The following KLHL13 variants were observed in gnomAD, a reference collection of about 807,000 sequenced individuals.
The protein encoded by KLHL13 is kelch-like protein 13.
In KLHL13, 10 loss-of-function variants were observed where a neutral mutation model predicts 37.1. That is an observed-to-expected ratio of 0.27 (90% CI 0.17 to 0.46). The LOEUF (loss-of-function observed/expected upper bound fraction) is 0.46, where lower values mean the gene tolerates loss of function less well. KLHL13 is among the 20% of genes least tolerant of loss of function. The probability of loss-of-function intolerance (pLI) is 1.00; values close to 1 mark genes in which losing one functional copy is unlikely to be tolerated. For synonymous variants in KLHL13, 163 were observed against 181.2 expected (o/e 0.90, Z 0.81); for missense variants, 360 against 509.3 (o/e 0.71, Z 2.82).
At chrX:118,011,255 G>T (rs2054064085) in intron 1 of KLHL13, among the ~76,000 whole-genome samples, 1 of 109,374 alleles carries the variant, frequency 9.1e-6, no homozygotes, top group Non-Finnish European at 1.9e-5. Context: ...GAGGGAACGG[G>T]TCATCTTCCA....
At chrX:117,960,677 C>A (rs2053281198) in intron 1 of KLHL13, among the ~76,000 whole-genome samples, 1 of 112,114 alleles carries the variant, frequency 8.9e-6, no homozygotes, top group Non-Finnish European at 1.9e-5. Flanking sequence ...CTATTATTTT[C>A]TGGTAGCCTT....
intron 1 of KLHL13, among the ~76,000 whole-genome samples, chrX:117,950,134 C>A (rs1487876685): frequency 5.3e-5 from 6 of 112,575 alleles, no homozygotes; most frequent in Non-Finnish European, 5.6e-5. Flanking sequence ...TTAAATCTAA[C>A]AATATATGCT....
At chrX:117,910,266 C>A (rs1200573519) in intron 4 of KLHL13, among the ~76,000 whole-genome samples, 170 bp from the exon 6 acceptor site, 1 of 111,722 alleles carries the variant, frequency 9.0e-6, no homozygotes, top group Non-Finnish European at 1.9e-5. Context: ...AGATAATTTG[C>A]AAACCACCTT....
chrX:117,978,037 A>G (rs758049063), upstream of KLHL13, among the ~76,000 whole-genome samples: 3 of 112,080 alleles, frequency 2.7e-5, no homozygotes, highest in Admixed American at 9.5e-5. Flanking sequence ...TCTTGCCACA[A>G]TAAAAAATGG....
At chrX:118,061,212 A>G (rs1242467110) in intron 1 of KLHL13, among the ~76,000 whole-genome samples, 1 of 112,039 alleles carries the variant, frequency 8.9e-6, no homozygotes, top group East Asian at 2.8e-4. Context: ...ATATACATTT[A>G]GCTAGGAATA....
chrX:118,115,309 C>G (rs763612528), intron 1 of KLHL13, among the ~76,000 whole-genome samples: 4 of 112,757 alleles, frequency 3.5e-5, no homozygotes, highest in Non-Finnish European at 7.5e-5. Flanking sequence ...TCTTCACACA[C>G]TAATTGCAGT....
At chrX:117,906,452 G>A (rs183452468) in intron 5 of KLHL13, among the ~76,000 whole-genome samples, 17 of 111,354 alleles carry the variant, frequency 1.5e-4, no homozygotes, top group Admixed American at 9.6e-5. Context: ...GGTTACCTCC[G>A]TAATACAGGA....
chrX:118,037,511 G>A (rs1259768822), intron 1 of KLHL13, among the ~76,000 whole-genome samples: 2 of 102,318 alleles, frequency 2.0e-5, no homozygotes, highest in African/African-American at 3.6e-5. Flanking sequence ...ACCAAACACC[G>A]CTTATTCTCA....
At chrX:117,936,112 T>C (rs749623372) in intron 2 of KLHL13, among the ~76,000 whole-genome samples, 15 of 111,497 alleles carry the variant, frequency 1.3e-4, no homozygotes, top group Non-Finnish European at 1.9e-5. Context: ...CCTGGAATAA[T>C]AGGGAGAAGT....
At chrX:118,017,805 T>C (rs2054144537) in intron 1 of KLHL13, among the ~76,000 whole-genome samples, 1 of 111,780 alleles carries the variant, frequency 8.9e-6, no homozygotes, top group Non-Finnish European at 1.9e-5. Flanking sequence ...AATATGATTG[T>C]ACAGTGTTTG....
intron 1 of KLHL13, among the ~76,000 whole-genome samples, chrX:118,064,209 T>C (rs1398340502): frequency 8.9e-6 from 1 of 111,926 alleles, no homozygotes; most frequent in Non-Finnish European, 1.9e-5. Flanking sequence ...CAATAATTTC[T>C]AAAGCATATA....
exon 7 of KLHL13, chrX:117,898,586 T>C (rs1245179366): frequency 1.1e-5 from 2 of 176,673 alleles, no homozygotes; most frequent in Non-Finnish European, 2.1e-5. Context: ...TTGGGTTTAC[T>C]AATGTAAGAT....
At chrX:117,954,741 GCA>G (rs1933815598) in intron 1 of KLHL13, among the ~76,000 whole-genome samples, 1 of 112,122 alleles carries the variant, frequency 8.9e-6, no homozygotes, top group African/African-American at 3.2e-5. Flanking sequence ...CCTTCCCAGT[GCA>G]CAGAGGAAAT....
At chrX:117,921,387 C>G (rs1388038494) in intron 2 of KLHL13, among the ~76,000 whole-genome samples, 1 of 110,922 alleles carries the variant, frequency 9.0e-6, no homozygotes, top group Non-Finnish European at 1.9e-5. Context: ...GTTTATTTGT[C>G]GATTAAGAAT....
At chrX:118,081,941 TG>T (rs2054998948) in intron 1 of KLHL13, among the ~76,000 whole-genome samples, 19 of 51,852 alleles carry the variant, frequency 3.7e-4, no homozygotes, top group Admixed American at 3.6e-3. Context: ...AGTATTCCAT[TG>T]TGTGTGTGTG....
intron 1 of KLHL13, among the ~76,000 whole-genome samples, chrX:118,034,263 T>G (rs1370530604): frequency 7.6e-5 from 8 of 105,166 alleles, no homozygotes; most frequent in Non-Finnish European, 3.8e-5. Context: ...TACAGAACTC[T>G]CCACCCCAAA....
intron 1 of KLHL13, among the ~76,000 whole-genome samples, chrX:118,053,852 GAGAGAGA>G (rs2054653749): frequency 1.6e-5 from 1 of 63,820 alleles, no homozygotes; most frequent in African/African-American, 7.0e-5. Context: ...AGAGAGAGGA[GAGAGAGA>G]GAGAGAGAGA....
At chrX:118,098,621 C>G (rs2055243265) in intron 1 of KLHL13, among the ~76,000 whole-genome samples, 1 of 108,123 alleles carries the variant, frequency 9.2e-6, no homozygotes, top group Non-Finnish European at 1.9e-5. Flanking sequence ...AAGACACATG[C>G]ACACGTATGT....
chrX:117,901,512 T>C (rs1930090571), intron 6 of KLHL13, among the ~76,000 whole-genome samples: 1 of 109,655 alleles, frequency 9.1e-6, no homozygotes, highest in South Asian at 4.0e-4. Context: ...TTCTGGATTT[T>C]TTTTTTTTTT....
Sources: gnomAD v4.1 joint callset for allele counts (sites outside exome capture counted in the v4.1 genomes callset) on GRCh38, gnomAD v4.1.1 for gene constraint, MANE v1.5 for transcripts, NCBI Gene and HGNC (gene_info 2026-07-23, HGNC 2026-07-21) for gene names.